NOP16: variants seen among roughly 807,000 people sequenced by gnomAD.
The protein encoded by NOP16 is nucleolar protein 16.
Under a neutral mutation model 22.7 loss-of-function variants are expected in NOP16, and 14 were observed. That is an observed-to-expected ratio of 0.62 (90% confidence interval 0.41 to 0.97). The LOEUF is 0.97. NOP16 is among the 50% of genes least tolerant of loss of function. The probability of loss-of-function intolerance (pLI) is 0.00; values close to 1 mark genes in which losing one functional copy is unlikely to be tolerated. For synonymous variants in NOP16, 80 were observed against 83.6 expected, an observed-to-expected ratio of 0.96 and a Z score of 0.23; for missense variants, 198 against 235.9, an observed-to-expected ratio of 0.84 and a Z score of 1.05.
rs370500348 is a variant in NOP16, at chr5:176,385,203, G to C, written c.393+18C>G. 4.0e-6 allele frequency: 6 copies of C among 1,484,634 alleles called. No individual in the cohort carries two copies. Among genetic ancestry groups the C allele is most frequent in the African/African-American group, 2.8e-5 (2 of 72,372 alleles). The allele number at this position is 1,484,634 out of a possible 1,614,324, so 92.0% of individuals were successfully genotyped here. A position where few individuals can be genotyped will look rare whatever the true frequency, so the allele number is the denominator to read the frequency against. ...CAGGGCGCCTTCCCAGCCAGCCCACGGGGCCTGAGCCGCTCACCTTATAGT... is the reference window on the plus strand; with the variant it reads ...CAGGGCGCCTTCCCAGCCAGCCCACCGGGCCTGAGCCGCTCACCTTATAGT... On this transcript the variant is annotated intron_variant, in intron 4 of 4. Transcript: ENST00000614830.
chr5:176,388,572 G>T lies in NOP16; in HGVS notation c.-33C>A. 1 of 1,569,730 alleles carries T rather than the reference G, an allele frequency of 6.4e-7. No individual in the cohort carries two copies. Among genetic ancestry groups the T allele is most frequent in the Non-Finnish European group, 8.7e-7 (1 of 1,143,416 alleles). On this transcript the variant is annotated 5_prime_UTR_variant, in exon 1 of 5. Coordinates refer to ENST00000614830, the MANE Select transcript of NOP16 (RefSeq NM_016391.8). ...ACCACCGCACCAGCAGCTCAAACAC[G>T]CTGCCTCTGTCTCTCAGACCTCGTG...
intron 3 of NOP16, chr5:176,386,613 C>T: frequency 1.6e-6 from 1 of 635,428 alleles, no homozygotes; most frequent in South Asian, 1.6e-5. Flanking sequence ...GGTACATCCT[C>T]CCTAAACATC....
chr5:176,385,388 G>A, intron 3 of NOP16, 61 bp from the exon 4 acceptor site: 1 of 1,039,930 alleles, frequency 9.6e-7, no homozygotes, highest in South Asian at 1.3e-5. Context: ...TGCTCTTTGA[G>A]CTGTCCAATC....
At chr5:176,388,380 C>T (rs1427033125) in intron 1 of NOP16, 37 bp from the exon 2 acceptor site, 2 of 1,612,960 alleles carry the variant, frequency 1.2e-6, no homozygotes, top group South Asian at 1.1e-5. Flanking sequence ...TCCGTCATCT[C>T]GCGGACCGTC....
Position 176,384,352 on chromosome 5 carries a change from T to A in NOP16, c.416A>T (p.Asn139Ile). 1 of 1,613,994 alleles carries A rather than the reference T, an allele frequency of 6.2e-7. No homozygotes were observed. The highest frequency in any genetic ancestry group is 8.5e-7 in the Non-Finnish European group (1 of 1,179,914). The change falls in exon 5 of 5, where the codon AAT becomes ATT. Residue 139 changes from asparagine (N) to isoleucine (I), a missense_variant. Coordinates refer to ENST00000614830, the MANE Select transcript of NOP16 (RefSeq NM_016391.8). ...CTGTTTTGGGGTATCTTGATAGTAATTCTTCTCATCACGGGCCATGGCCTA... is the reference window on the plus strand; with the variant it reads ...CTGTTTTGGGGTATCTTGATAGTAAATCTTCTCATCACGGGCCATGGCCTA... The part of the protein sequence containing the change: ...DYKAMARDEK[N>I]YYQDTPKQIR...
chr5:176,385,276 C>A lies in NOP16; in HGVS notation c.338G>T (p.Arg113Leu), dbSNP rs768904952. The A allele has an allele frequency of 6.2e-7, 1 of 1,613,514 alleles. No individual in the cohort carries two copies. Among genetic ancestry groups the A allele is most frequent in the Non-Finnish European group, 8.5e-7 (1 of 1,179,428 alleles). ...GTAGCGTACATAGTCAATGAGGTCC[C>A]GAGACAGAGTATTTCCTTTCTTTTC... is the stretch of plus-strand genomic sequence containing the variant. Reference protein sequence around the residue: ...LPEKKGNTLSRDLIDYVRYMV... With the variant: ...LPEKKGNTLSLDLIDYVRYMV... Residue 113 changes from arginine to leucine, a missense_variant, in exon 4 of 5, where the codon CGG becomes CTG. Transcript: ENST00000614830.
At chr5:176,388,184 G>C in intron 2 of NOP16, 51 bp downstream of exon 2, 1 of 1,363,324 alleles carries the variant, frequency 7.3e-7, no homozygotes, top group Non-Finnish European at 1.0e-6. Context: ...AGGTCAGTAT[G>C]GCGGGGGAAG....
intron 4 of NOP16, 196 bp downstream of exon 4, chr5:176,385,025 C>G: frequency 1.7e-6 from 1 of 592,912 alleles, no homozygotes; most frequent in Non-Finnish European, 3.0e-6. Flanking sequence ...GAGACTGGAA[C>G]CAAGGTCACT....
chr5:176,388,088 C>T, intron 2 of NOP16, 147 bp downstream of exon 2: 1 of 622,470 alleles, frequency 1.6e-6, no homozygotes, highest in Admixed American at 2.9e-5. Context: ...CCTTGCTCAA[C>T]GTCAGTTGAG....
Position 176,388,534 on chromosome 5 carries a change from G to A in NOP16, c.6C>T (p.Pro2=), listed in dbSNP as rs374791604. ...GCCTCCGGGTTTTGCCCTTGGCCTT[G>A]GGCATCGCGCTGACCACCGCACCAG... The part of the protein sequence containing the change: M[P]KAKGKTRRQK... The change falls in exon 1 of 5, where the codon CCC becomes CCT. Residue 2 remains proline, a synonymous_variant. Transcript: ENST00000614830. 1.9e-6 allele frequency: 3 copies of A among 1,610,738 alleles called. No homozygotes were observed. The highest frequency in any genetic ancestry group is 2.5e-6 in the Non-Finnish European group (3 of 1,177,304).
In NOP16 at chr5:176,388,597, GT is replaced by G; in HGVS notation, c.-59del. 6.7e-7 allele frequency: 1 copy of G among 1,498,896 alleles called. No homozygotes were observed. The highest frequency in any genetic ancestry group is 9.2e-7 in the Non-Finnish European group (1 of 1,086,228). 92.8% of individuals were successfully genotyped at this position (1,498,896 alleles called of 1,614,324 possible). A position where few individuals can be genotyped will look rare whatever the true frequency, so the allele number is the denominator to read the frequency against. On this transcript the variant is annotated 5_prime_UTR_variant, in exon 1 of 5. Coordinates refer to ENST00000614830, the MANE Select transcript of NOP16 (RefSeq NM_016391.8). ...GCTGCCTCTGTCTCTCAGACCTCGT[GT>G]AACAAACTCCTTCCGGAAGGCGTGC... is the stretch of plus-strand genomic sequence containing the variant.
intron 2 of NOP16, 68 bp downstream of exon 2, chr5:176,388,167 G>A: frequency 8.2e-7 from 1 of 1,219,110 alleles, no homozygotes; most frequent in South Asian, 1.3e-5. Flanking sequence ...ACCACGTTCT[G>A]ACACCTAGGT....
intron 3 of NOP16, 99 bp downstream of exon 3, chr5:176,386,741 C>T (rs772692960): frequency 1.5e-5 from 15 of 1,032,428 alleles, no homozygotes; most frequent in Admixed American, 5.1e-5. Flanking sequence ...CCCTCTGAAA[C>T]TTGGTTTCTC....
In NOP16 at chr5:176,384,064, T is replaced by G. The variant is rs760629475; in HGVS notation, c.*167A>C. ...TATAAATTGGAGCCTCTGAGAACAG[T>G]TCCTTCCCCAGAGCGGGGAGTGTGC... is the stretch of plus-strand genomic sequence containing the variant. On this transcript the variant is annotated 3_prime_UTR_variant, in exon 5 of 5. Coordinates refer to ENST00000614830, the MANE Select transcript of NOP16 (RefSeq NM_016391.8). 9 of 1,568,720 alleles carry G rather than the reference T, an allele frequency of 5.7e-6. No individual in the cohort carries two copies. The Admixed American group carries it at 1.6e-4, about 29-fold the overall frequency.
intron 2 of NOP16, 39 bp from the exon 3 acceptor site, chr5:176,386,948 G>A: frequency 6.4e-7 from 1 of 1,574,030 alleles, no homozygotes; most frequent in Non-Finnish European, 8.7e-7. Context: ...AAGGATCTTT[G>A]ATGAGGGAAA....
Position 176,384,325 on chromosome 5 carries a change from A to T in NOP16, c.443T>A (p.Ile148Asn). Residue 148 changes from isoleucine (I) to asparagine (N), a missense_variant, in exon 5 of 5, where the codon ATT (isoleucine) becomes AAT (asparagine). Coordinates refer to ENST00000614830, the MANE Select transcript of NOP16 (RefSeq NM_016391.8). ...KNYYQDTPKQ[I>N]RSKINVYKRF... ...TTTATAGACGTTGATCTTACTCCGA[A>T]TCTGTTTTGGGGTATCTTGATAGTA... 1 of 1,614,174 alleles carries T rather than the reference A, an allele frequency of 6.2e-7. No homozygotes were observed. The highest frequency in any genetic ancestry group is 8.5e-7 in the Non-Finnish European group (1 of 1,180,038).
chr5:176,388,146 G>A, intron 2 of NOP16, 89 bp downstream of exon 2: 1 of 970,792 alleles, frequency 1.0e-6, no homozygotes, highest in Non-Finnish European at 1.6e-6. Context: ...CTGAGGGAAG[G>A]AATGGGCAGT....
Position 176,388,273 on chromosome 5 carries a change from C to T in NOP16, c.178G>A (p.Val60Met). The T allele has an allele frequency of 6.2e-7, 1 of 1,614,164 alleles. No homozygotes were observed. Among genetic ancestry groups the T allele is most frequent in the Non-Finnish European group, 8.5e-7 (1 of 1,179,994 alleles). The part of the protein sequence containing the change: ...RQNLAEMGLA[V>M]DPNRAVPLRK... ...AGGGGCACCGCCCTGTTGGGGTCCA[C>T]AGCCAACCCCATCTCGGCCAGGTTC... The change falls in exon 2 of 5, where the codon GTG becomes ATG. Residue 60 changes from valine (V) to methionine (M), a missense_variant. Transcript: ENST00000614830.
Position 176,388,349 on chromosome 5 carries a change from G to T in NOP16, c.108-6C>A. 3.7e-6 allele frequency: 6 copies of T among 1,613,778 alleles called. No individual in the cohort carries two copies. Among genetic ancestry groups the T allele is most frequent in the Non-Finnish European group, 5.1e-6 (6 of 1,179,652 alleles). ...AGGCATGTCGGATGTGGGAGCTACC[G>T]GCAAAGAGAGACATCGCGGATCCGT... On this transcript the variant is annotated splice_region_variant and splice_polypyrimidine_tract_variant and intron_variant, in intron 1 of 4. Coordinates refer to ENST00000614830, the MANE Select transcript of NOP16 (RefSeq NM_016391.8).
Sources: allele counts gnomAD v4.1 joint callset, GRCh38; gene constraint gnomAD v4.1.1; transcripts MANE v1.5; gene names NCBI Gene and HGNC (gene_info 2026-07-23, HGNC 2026-07-21).